COL26A1: variants seen among roughly 807,000 people sequenced by gnomAD.
The protein encoded by COL26A1 is collagen alpha-1(XXVI) chain.
A neutral mutation model predicts 59.3 loss-of-function variants in COL26A1; 41 were observed. The observed-to-expected ratio is 0.69, with a 90% CI of 0.54 to 0.90. The LOEUF is 0.90. COL26A1 is among the 40% of genes least tolerant of loss of function. COL26A1 has a pLI of 0.00. For missense variants in COL26A1, 612 were observed against 602.3 expected (o/e 1.02, Z -0.17); for synonymous variants, 266 against 256.0 (o/e 1.04, Z -0.37).
intron 3 of COL26A1, among the ~76,000 whole-genome samples, chr7:101,504,136 C>T (rs1794758936): frequency 6.6e-6 from 1 of 151,974 alleles, no homozygotes; most frequent in Non-Finnish European, 1.5e-5. Flanking sequence ...AGTCTTACTC[C>T]ATCACCCAGG....
At chr7:101,413,185 G>T (rs1202269568) in intron 1 of COL26A1, among the ~76,000 whole-genome samples, 2 of 152,124 alleles carry the variant, frequency 1.3e-5, no homozygotes, top group African/African-American at 4.8e-5. Context: ...CGGTTTGATT[G>T]CTCCTCCCCC....
chr7:101,515,229 C>T (rs1282060681), intron 3 of COL26A1, among the ~76,000 whole-genome samples: 4 of 152,178 alleles, frequency 2.6e-5, no homozygotes, highest in African/African-American at 9.6e-5. Context: ...CGGTGCCTCT[C>T]TGATCAAGGA....
At chr7:101,478,858 A>G (rs1340525099) in intron 3 of COL26A1, among the ~76,000 whole-genome samples, 1 of 152,186 alleles carries the variant, frequency 6.6e-6, no homozygotes, top group Non-Finnish European at 1.5e-5. Flanking sequence ...TTGCATAATG[A>G]TGTTCTGCTG....
At chr7:101,404,811 A>G (rs1418829447) in intron 1 of COL26A1, among the ~76,000 whole-genome samples, 1 of 152,194 alleles carries the variant, frequency 6.6e-6, no homozygotes, top group Admixed American at 6.5e-5. Context: ...CTGAAGAGGG[A>G]GGATTGCTTG....
intron 2 of COL26A1, among the ~76,000 whole-genome samples, chr7:101,441,677 G>C (rs1386046128): frequency 6.6e-6 from 1 of 152,188 alleles, no homozygotes; most frequent in African/African-American, 2.4e-5. Flanking sequence ...GTGGATTGAA[G>C]TGAGAGTGTC....
intron 1 of COL26A1, among the ~76,000 whole-genome samples, chr7:101,404,398 G>A (rs1034796932): frequency 3.9e-5 from 6 of 152,122 alleles, no homozygotes; most frequent in East Asian, 1.9e-4. Flanking sequence ...ATGTGAGACC[G>A]GGAGACACTT....
Position 101,547,246 on chromosome 7 carries a change from G to A in COL26A1, c.940+7G>A, listed in dbSNP as rs769484875. On this transcript the variant is annotated splice_region_variant and intron_variant, in intron 8 of 12. Coordinates refer to ENST00000313669, the MANE Select transcript of COL26A1 (RefSeq NM_001278563.3). ...GGTCCCCCTGGTCCACCAGGTAAGT[G>A]AATGGTGGGCTGGCCTGCATTGAGG... 7.7e-6 allele frequency: 12 copies of A among 1,563,318 alleles called. No homozygotes were observed. Among genetic ancestry groups the A allele is most frequent in the Admixed American group, 1.9e-5 (1 of 53,904 alleles).
At chr7:101,540,946 A>G (rs1795604145) in intron 5 of COL26A1, among the ~76,000 whole-genome samples, 1 of 152,218 alleles carries the variant, frequency 6.6e-6, no homozygotes, top group Non-Finnish European at 1.5e-5. Flanking sequence ...GCTCAAGACC[A>G]GCCTGGGCAA....
At chr7:101,523,856 T>C (rs565304752) in intron 3 of COL26A1, among the ~76,000 whole-genome samples, 7 of 152,322 alleles carry the variant, frequency 4.6e-5, no homozygotes, top group Admixed American at 4.6e-4. Flanking sequence ...CATATACATT[T>C]TGGAATCAAT....
chr7:101,429,517 G>T (rs1452538261), intron 2 of COL26A1, among the ~76,000 whole-genome samples: 16 of 150,614 alleles, frequency 1.1e-4, no homozygotes, highest in Middle Eastern at 3.4e-3. Context: ...GATTACTATG[G>T]CTATATAATA....
chr7:101,470,097 T>C (rs1017273173), intron 3 of COL26A1, among the ~76,000 whole-genome samples: 5 of 149,572 alleles, frequency 3.3e-5, no homozygotes, highest in African/African-American at 9.8e-5. Flanking sequence ...ATGGATTGCC[T>C]TTTTTTTTGT....
intron 3 of COL26A1, among the ~76,000 whole-genome samples, chr7:101,516,472 A>C: frequency 6.6e-6 from 1 of 151,902 alleles, no homozygotes; most frequent in Admixed American, 6.6e-5. Context: ...GGGTCTCACT[A>C]GGTTGCCCCA....
At chr7:101,431,737 ACT>A (rs1792785041) in intron 2 of COL26A1, among the ~76,000 whole-genome samples, 2 of 152,010 alleles carry the variant, frequency 1.3e-5, no homozygotes, top group African/African-American at 4.8e-5. Flanking sequence ...ACATTGAGTA[ACT>A]CTCAAATGTT....
At chr7:101,466,999 C>T (rs1329309380) in intron 3 of COL26A1, among the ~76,000 whole-genome samples, 1 of 151,858 alleles carries the variant, frequency 6.6e-6, no homozygotes, top group Non-Finnish European at 1.5e-5. Flanking sequence ...GTTAGTGACC[C>T]CCTGCAAAGC....
chr7:101,381,709 AC>A (rs2117030538), intron 1 of COL26A1, among the ~76,000 whole-genome samples: 1 of 152,158 alleles, frequency 6.6e-6, no homozygotes, highest in African/African-American at 2.4e-5. Context: ...ATTAGGCCCC[AC>A]CTCCCAACAC....
At chr7:101,459,359 C>T (rs185088149) in intron 3 of COL26A1, among the ~76,000 whole-genome samples, 6 of 152,230 alleles carry the variant, frequency 3.9e-5, no homozygotes, top group Admixed American at 3.9e-4. Context: ...AGTGCAGTGG[C>T]ACGATCTCGT....
intron 6 of COL26A1, 89 bp from the exon 7 acceptor site, chr7:101,545,249 T>C: frequency 1.6e-6 from 2 of 1,281,808 alleles, no homozygotes; most frequent in Non-Finnish European, 2.1e-6. Flanking sequence ...CAACCCTGTT[T>C]CTTTCAAGGC....
Position 101,362,899 on chromosome 7 carries a change from A to T in COL26A1, c.-134A>T. 1.7e-5 allele frequency: 15 copies of T among 881,356 alleles called. No individual in the cohort carries two copies. Among genetic ancestry groups the T allele is most frequent in the Non-Finnish European group, 1.8e-5 (11 of 616,022 alleles). 54.6% of individuals were successfully genotyped at this position (881,356 alleles called of 1,614,324 possible). On this transcript the variant is annotated 5_prime_UTR_variant, in exon 1 of 13. Transcript: ENST00000313669. ...CGCCCCCCACACATTTCCAGCTCGC[A>T]CCCGGGCTCCGACCGCTCGCCCCGC... is the stretch of plus-strand genomic sequence containing the variant.
At chr7:101,456,170 T>TATATATA (rs11433198) in intron 3 of COL26A1, among the ~76,000 whole-genome samples, 1 of 47,936 alleles carries the variant, frequency 2.1e-5, no homozygotes, top group African/African-American at 9.0e-5. Context: ...ATATATATAT[T>TATATATA]TTTTTTTTAA....
Sources: allele counts gnomAD v4.1 joint callset (sites outside exome capture counted in the v4.1 genomes callset), GRCh38; gene constraint gnomAD v4.1.1; transcripts MANE v1.5; gene names NCBI Gene and HGNC (gene_info 2026-07-23, HGNC 2026-07-21).